The following CCDC122 variants were observed in gnomAD, a reference collection of about 807,000 sequenced individuals.
CCDC122 encodes the protein coiled-coil domain containing 122.
In CCDC122, 38 loss-of-function variants were observed where a neutral mutation model predicts 37.0. That is an observed-to-expected ratio of 1.03 (90% CI 0.79 to 1.35). The LOEUF (loss-of-function observed/expected upper bound fraction) is 1.35, where lower values mean the gene tolerates loss of function less well. Ranked by LOEUF, CCDC122 falls within the 40% of genes most tolerant of loss-of-function variation. CCDC122 has a pLI of 0.00. For synonymous variants in CCDC122, 83 were observed against 95.6 expected (o/e 0.87, Z 0.77); for missense variants, 305 against 310.0 (o/e 0.98, Z 0.12).
chr13:43,824,455 A>G (rs1476184639), intron 3 of CCDC122, among the ~76,000 whole-genome samples: 2 of 152,224 alleles, frequency 1.3e-5, no homozygotes, highest in Non-Finnish European at 2.9e-5. Flanking sequence ...ATAAAATCCT[A>G]GAACAAAACC....
intron 4 of CCDC122, among the ~76,000 whole-genome samples, chr13:43,866,983 G>C (rs1227209424): frequency 6.6e-6 from 1 of 152,094 alleles, no homozygotes; most frequent in Admixed American, 6.6e-5. Context: ...AGTAAGAGGA[G>C]ACATCTTTTT....
intron 4 of CCDC122, 29 bp from the exon 5 acceptor site, chr13:43,860,099 T>A: frequency 8.5e-7 from 1 of 1,178,036 alleles, no homozygotes; most frequent in Non-Finnish European, 1.1e-6. Flanking sequence ...TTATCATTAT[T>A]AATTCAAAAT....
chr13:43,865,117 A>G (rs1954235749), intron 4 of CCDC122, among the ~76,000 whole-genome samples: 1 of 152,098 alleles, frequency 6.6e-6, no homozygotes, highest in Non-Finnish European at 1.5e-5. Context: ...CCATTTGGCT[A>G]TTCCTGAGTT....
Position 43,837,169 on chromosome 13 carries a change from C to T in CCDC122, c.*111G>A, listed in dbSNP as rs1566939764. ...CAACCGAAGACATCTGTCATTAAGA[C>T]AGGTCTCTAATAGTGGATGCTTGTT... On this transcript the variant is annotated 3_prime_UTR_variant, in exon 7 of 7. Transcript: ENST00000444614. 1 of 1,042,076 alleles carries T rather than the reference C, an allele frequency of 9.6e-7. No individual in the cohort carries two copies. Among genetic ancestry groups the T allele is most frequent in the East Asian group, 2.4e-5 (1 of 40,862 alleles). The allele number at this position is 1,042,076 out of a possible 1,614,324, so 64.6% of individuals were successfully genotyped here.
downstream of CCDC122, among the ~76,000 whole-genome samples, chr13:43,834,440 A>G (rs1326447215): frequency 1.3e-5 from 2 of 152,230 alleles, no homozygotes; most frequent in African/African-American, 2.4e-5. Flanking sequence ...AATGGCAACA[A>G]AAGCCAAAAT....
At chr13:43,826,119 A>G (rs1953038369) in intron 3 of CCDC122, among the ~76,000 whole-genome samples, 1 of 152,152 alleles carries the variant, frequency 6.6e-6, no homozygotes, top group Non-Finnish European at 1.5e-5. Flanking sequence ...AACTCTTTCG[A>G]TGAATTTATA....
intron 2 of CCDC122, among the ~76,000 whole-genome samples, chr13:43,872,065 C>A (rs1490527026): frequency 6.6e-6 from 1 of 152,022 alleles, no homozygotes; most frequent in Admixed American, 6.6e-5. Flanking sequence ...TTCTCCCCAG[C>A]AACCCATAGA....
chr13:43,834,855 G>A (rs1953125346), downstream of CCDC122, among the ~76,000 whole-genome samples: 1 of 152,068 alleles, frequency 6.6e-6, no homozygotes, highest in South Asian at 2.1e-4. Flanking sequence ...CTTTTACACT[G>A]TTGGTGGGAC....
At chr13:43,864,564 T>C (rs1954212856) in intron 4 of CCDC122, among the ~76,000 whole-genome samples, 1 of 152,042 alleles carries the variant, frequency 6.6e-6, no homozygotes, top group African/African-American at 2.4e-5. Flanking sequence ...CCAGGCTCTT[T>C]TTAACAACAA....
At chr13:43,844,862 A>T (rs1215382199) in intron 6 of CCDC122, among the ~76,000 whole-genome samples, 1 of 152,052 alleles carries the variant, frequency 6.6e-6, no homozygotes, top group African/African-American at 2.4e-5. Flanking sequence ...TTTATATTAA[A>T]AGTGCATCTC....
intron 2 of CCDC122, among the ~76,000 whole-genome samples, chr13:43,871,968 T>C (rs1355119274): frequency 1.3e-5 from 2 of 152,112 alleles, no homozygotes; most frequent in Non-Finnish European, 2.9e-5. Flanking sequence ...CACTACTCTC[T>C]TGTATTTCTT....
rs566469006 is a variant in CCDC122 at position 43,826,120 on chromosome 13, T to A, written n.602-2109A>T. Among the ~76,000 whole-genome samples, 16 of 152,344 alleles carry A rather than the reference T, an allele frequency of 1.1e-4. No individual in the cohort carries two copies. In the South Asian group the frequency reaches 3.3e-3, roughly 32 times the overall value. On this transcript the variant is annotated intron_variant and non_coding_transcript_variant, in intron 3 of 3. Transcript: ENST00000470137. The stretch of plus-strand genomic sequence containing the variant: ...CTACTTTTTGTCTTAACTCTTTCGA[T>A]GAATTTATACTCTTGGAAATATGCA...
intron 6 of CCDC122, among the ~76,000 whole-genome samples, chr13:43,844,639 T>A (rs9788295): frequency 2.6e-5 from 4 of 152,080 alleles, no homozygotes; most frequent in Admixed American, 6.5e-5. Flanking sequence ...GTTCTGTTTG[T>A]TTTTGCTCAT....
chr13:43,876,229 A>T (rs1267405191), intron 1 of CCDC122, among the ~76,000 whole-genome samples: 1 of 152,246 alleles, frequency 6.6e-6, no homozygotes, highest in East Asian at 1.9e-4. Flanking sequence ...GCCCTAGGAA[A>T]CTAACAGAAG....
At chr13:43,834,697 A>G (rs1180188242), downstream of CCDC122, among the ~76,000 whole-genome samples, 1 of 152,252 alleles carries the variant, frequency 6.6e-6, no homozygotes, top group African/African-American at 2.4e-5. Context: ...CAGCCAAAAG[A>G]TACATGAAAA....
intron 4 of CCDC122, among the ~76,000 whole-genome samples, chr13:43,863,359 T>C (rs1954172522): frequency 6.6e-6 from 1 of 152,206 alleles, no homozygotes; most frequent in Non-Finnish European, 1.5e-5. Flanking sequence ...TAATTCTTCA[T>C]TTTTATTGCT....
chr13:43,865,512 T>G (rs1954249163), intron 4 of CCDC122, among the ~76,000 whole-genome samples: 2 of 152,164 alleles, frequency 1.3e-5, no homozygotes, highest in East Asian at 1.9e-4. Flanking sequence ...ATATATAAAT[T>G]AGGCACAATA....
chr13:43,879,048 G>A (rs931813861), intron 1 of CCDC122, among the ~76,000 whole-genome samples: 2 of 152,240 alleles, frequency 1.3e-5, no homozygotes, highest in South Asian at 4.2e-4. Context: ...GAAACCCAGC[G>A]TCCTGACCAC....
chr13:43,833,690 C>G (rs1161123613), downstream of CCDC122, among the ~76,000 whole-genome samples: 1 of 152,058 alleles, frequency 6.6e-6, no homozygotes, highest in Admixed American at 6.6e-5. Flanking sequence ...TCCTAAGCAC[C>G]AGGAAGAATG....
Sources: gnomAD v4.1 joint callset for allele counts (sites outside exome capture counted in the v4.1 genomes callset) on GRCh38, gnomAD v4.1.1 for gene constraint, MANE v1.5 for transcripts, NCBI Gene and HGNC (gene_info 2026-07-23, HGNC 2026-07-21) for gene names.